Variants in GRIA4 observed in about 807,000 individuals in gnomAD.
GRIA4 encodes glutamate ionotropic receptor AMPA type subunit 4.
Under a neutral mutation model 104.0 loss-of-function variants are expected in GRIA4, and 34 were observed. The observed-to-expected ratio is 0.33, with a 90% confidence interval of 0.25 to 0.44. The LOEUF (loss-of-function observed/expected upper bound fraction) is 0.44, where lower values mean the gene tolerates loss of function less well. Among genes scored for constraint, GRIA4 ranks in the 20% least tolerant of loss-of-function variants. The pLI, the probability that GRIA4 is intolerant of heterozygous loss-of-function variation, is 1.00. For missense variants in GRIA4, 750 were observed against 1,096.5 expected (o/e 0.68, Z 4.46); for synonymous variants, 386 against 381.9 (o/e 1.01, Z -0.13).
At chr11:105,730,578 A>G (rs1481689477) in intron 3 of GRIA4, among the ~76,000 whole-genome samples, 1 of 152,074 alleles carries the variant, frequency 6.6e-6, no homozygotes, top group Non-Finnish European at 1.5e-5. Flanking sequence ...AAGACAATCC[A>G]AAGCAAAAAG....
In GRIA4 at chr11:105,616,971, T is replaced by C. The variant is rs1950616895; in HGVS notation, c.247+4537T>C. 1.3e-5 allele frequency among the ~76,000 whole-genome samples: 2 copies of C among 151,472 alleles called. 1 individual carries two copies. Among genetic ancestry groups the C allele is most frequent in the African/African-American group, 4.8e-5 (2 of 41,374 alleles). On this transcript the variant is annotated intron_variant, in intron 3 of 16. Coordinates refer to ENST00000282499, the MANE Select transcript of GRIA4 (RefSeq NM_000829.4). Reference sequence around the variant, plus strand: ...TCTTAAGTGATAGGATGATGCATAATTTGTATATATTTGATGTATTTTAGA... The same window carrying C: ...TCTTAAGTGATAGGATGATGCATAACTTGTATATATTTGATGTATTTTAGA...
chr11:105,853,828 G>A (rs1944909504), intron 4 of GRIA4, among the ~76,000 whole-genome samples: 1 of 152,138 alleles, frequency 6.6e-6, no homozygotes, highest in Non-Finnish European at 1.5e-5. Flanking sequence ...TTGGCATTAT[G>A]CCTGTATTAA....
intron 4 of GRIA4, among the ~76,000 whole-genome samples, chr11:105,779,954 T>TAA: frequency 6.6e-6 from 1 of 152,290 alleles, no homozygotes; most frequent in South Asian, 2.1e-4. Context: ...AGTGGGGGCA[T>TAA]ATCACACTGA....
chr11:105,966,398 G>A (rs1328126833), intron 14 of GRIA4, among the ~76,000 whole-genome samples: 1 of 151,956 alleles, frequency 6.6e-6, no homozygotes. Context: ...GGAGGGAGCA[G>A]GGCGGTAAGC....
intron 3 of GRIA4, among the ~76,000 whole-genome samples, chr11:105,655,368 T>C (rs1308028467): frequency 6.6e-6 from 1 of 152,258 alleles, no homozygotes; most frequent in Middle Eastern, 3.4e-3. Flanking sequence ...CTTTAAGTAA[T>C]GGGATACATG....
rs1591449280 is a variant in GRIA4, at chr11:105,620,354, A to G, written c.247+7920A>G. 2.6e-5 allele frequency among the ~76,000 whole-genome samples: 4 copies of G among 151,902 alleles called. No individual in the cohort carries two copies. The South Asian group carries it at 8.3e-4, about 32-fold the overall frequency. ...ATTATTATTATTTTATAGGTGAAGA[A>G]CCTGAAGATTTGCATAGCTTAGAAA... is the stretch of plus-strand genomic sequence containing the variant. On this transcript the variant is annotated intron_variant, in intron 3 of 16. Coordinates refer to ENST00000282499, the MANE Select transcript of GRIA4 (RefSeq NM_000829.4).
chr11:105,862,287 A>G, intron 5 of GRIA4, 79 bp downstream of exon 5: 3 of 746,882 alleles, frequency 4.0e-6, no homozygotes, highest in Non-Finnish European at 6.8e-6. Context: ...CCCCATCAAC[A>G]TCTTCTCCCA....
intron 4 of GRIA4, among the ~76,000 whole-genome samples, chr11:105,763,564 A>G (rs1940775222): frequency 6.6e-6 from 1 of 152,186 alleles, no homozygotes; most frequent in Admixed American, 6.5e-5. Context: ...CAAAGATTTT[A>G]CTATCTAAAG....
At chr11:105,932,779 A>G (rs567671722) in intron 13 of GRIA4, among the ~76,000 whole-genome samples, 2 of 152,272 alleles carry the variant, frequency 1.3e-5, no homozygotes, top group South Asian at 4.1e-4. Context: ...AAATGTTTCA[A>G]TCAACCTAGA....
At chr11:105,788,812 C>T (rs925779986) in intron 4 of GRIA4, among the ~76,000 whole-genome samples, 5 of 152,018 alleles carry the variant, frequency 3.3e-5, no homozygotes, top group South Asian at 4.1e-4. Context: ...TCAATATCTC[C>T]GGGACTGGTT....
At chr11:105,843,412 T>A (rs1460641069) in intron 4 of GRIA4, among the ~76,000 whole-genome samples, 1 of 152,230 alleles carries the variant, frequency 6.6e-6, no homozygotes, top group African/African-American at 2.4e-5. Flanking sequence ...ACATTCAATA[T>A]ATAACTTATT....
intron 4 of GRIA4, among the ~76,000 whole-genome samples, chr11:105,810,746 A>G (rs1943139798): frequency 6.6e-6 from 1 of 152,156 alleles, no homozygotes; most frequent in Non-Finnish European, 1.5e-5. Context: ...CTGAATATTC[A>G]GATAATCCCC....
intron 4 of GRIA4, among the ~76,000 whole-genome samples, chr11:105,851,457 C>A (rs920307654): frequency 6.6e-6 from 1 of 152,016 alleles, no homozygotes; most frequent in Admixed American, 6.6e-5. Flanking sequence ...TTAATTAATT[C>A]AGAGTAGCAT....
At chr11:105,878,320 A>C (rs1945912442) in intron 5 of GRIA4, among the ~76,000 whole-genome samples, 1 of 152,110 alleles carries the variant, frequency 6.6e-6, no homozygotes, top group African/African-American at 2.4e-5. Context: ...CCAGATGCCA[A>C]CTGGAGCTCT....
chr11:105,644,585 A>C (rs1422962335), intron 3 of GRIA4, among the ~76,000 whole-genome samples: 7 of 152,112 alleles, frequency 4.6e-5, no homozygotes, highest in Non-Finnish European at 7.4e-5. Context: ...TCCTGGGTGA[A>C]AGAGCCAGAC....
At chr11:105,866,530 C>A (rs552497012) in intron 5 of GRIA4, among the ~76,000 whole-genome samples, 2 of 99,152 alleles carry the variant, frequency 2.0e-5, no homozygotes, top group African/African-American at 4.2e-5. Flanking sequence ...TACATATATA[C>A]GCATATGTGT....
intron 4 of GRIA4, among the ~76,000 whole-genome samples, chr11:105,794,318 T>A (rs563219582): frequency 1.3e-5 from 2 of 150,214 alleles, no homozygotes; most frequent in Non-Finnish European, 1.5e-5. Context: ...CCTTTTCCAA[T>A]GGAGTGAAAA....
chr11:105,805,350 C>T (rs1942902737), intron 4 of GRIA4, among the ~76,000 whole-genome samples: 1 of 151,480 alleles, frequency 6.6e-6, no homozygotes, highest in African/African-American at 2.4e-5. Flanking sequence ...TAAGGCAACT[C>T]ACTCACCCAT....
At chr11:105,655,962 A>G (rs191281048) in intron 3 of GRIA4, among the ~76,000 whole-genome samples, 11 of 152,174 alleles carry the variant, frequency 7.2e-5, no homozygotes, top group African/African-American at 2.6e-4. Flanking sequence ...GTGTAAAAGC[A>G]TTCCTATTTC....
Sources: allele counts gnomAD v4.1 joint callset (sites outside exome capture counted in the v4.1 genomes callset), GRCh38; gene constraint gnomAD v4.1.1; transcripts MANE v1.5; gene names NCBI Gene and HGNC (gene_info 2026-07-23, HGNC 2026-07-21).